Variants in CLNK observed in about 807,000 individuals in gnomAD.
CLNK encodes cytokine-dependent hematopoietic cell linker.
Under a neutral mutation model 68.6 loss-of-function variants are expected in CLNK, and 74 were observed. The ratio of observed to expected loss-of-function variants is 1.08; its 90% CI spans 0.89 to 1.31. The LOEUF (loss-of-function observed/expected upper bound fraction) is 1.31. Ranked by LOEUF, CLNK falls within the 50% of genes most tolerant of loss-of-function variation. The pLI is 0.00. For missense variants in CLNK, 553 were observed against 515.3 expected, an observed-to-expected ratio of 1.07 and a Z score of -0.71; for synonymous variants, 198 against 172.2, an observed-to-expected ratio of 1.15 and a Z score of -1.17.
intron 14 of CLNK, 66 bp from the exon 15 acceptor site, chr4:10,520,897 A>C: frequency 8.5e-7 from 1 of 1,179,852 alleles, no homozygotes; most frequent in Non-Finnish European, 1.2e-6. Context: ...AATTCCACTC[A>C]GAGGCAAGGT....
At chr4:10,653,618 C>T (rs971410703) in intron 2 of CLNK, among the ~76,000 whole-genome samples, 4 of 151,988 alleles carry the variant, frequency 2.6e-5, no homozygotes, top group Non-Finnish European at 4.4e-5. Flanking sequence ...ATTTAATTAA[C>T]AAAGCACCTA....
the CLNK span, among the ~76,000 whole-genome samples, chr4:10,701,357 C>T: frequency 6.6e-6 from 1 of 152,134 alleles, no homozygotes; most frequent in African/African-American, 2.4e-5. Context: ...GTGTCCTGAC[C>T]CCCCTTTATC....
rs148369691 is a variant in CLNK, at chr4:10,578,199, C to T, written c.113-6421G>A. Among the ~76,000 whole-genome samples, 12 of 152,298 alleles carry T rather than the reference C, an allele frequency of 7.9e-5. No individual in the cohort carries two copies. In the East Asian group the frequency reaches 1.3e-3, roughly 17 times the overall value. ...ATGCTGTGTTGTGTGTTTTTCTTTT[C>T]GAGTTTAACGTCACAGCCAAATCCT... On this transcript the variant is annotated intron_variant, in intron 4 of 18. Transcript: ENST00000226951.
intron 2 of CLNK, among the ~76,000 whole-genome samples, chr4:10,640,995 C>T (rs1007688088): frequency 4.6e-5 from 7 of 152,144 alleles, no homozygotes; most frequent in African/African-American, 1.2e-4. Context: ...AACCCTCAAC[C>T]GCTGAGCATG....
At chr4:10,647,617 G>A (rs904044009) in intron 2 of CLNK, among the ~76,000 whole-genome samples, 13 of 152,266 alleles carry the variant, frequency 8.5e-5, no homozygotes, top group African/African-American at 2.9e-4. Context: ...ATACAGATAT[G>A]AGATTCTTAT....
At chr4:10,706,609 G>A in the CLNK span, among the ~76,000 whole-genome samples, 1 of 152,082 alleles carries the variant, frequency 6.6e-6, no homozygotes, top group Non-Finnish European at 1.5e-5. Context: ...ATCTCCTATG[G>A]GTGTCCTGAG....
chr4:10,544,921 C>A (rs149972897), intron 8 of CLNK, among the ~76,000 whole-genome samples: 30 of 152,156 alleles, frequency 2.0e-4, no homozygotes, highest in African/African-American at 6.0e-4. Flanking sequence ...ATAAAGCCAC[C>A]GGTTTTCCTT....
chr4:10,626,816 T>G (rs1722692518), intron 2 of CLNK, among the ~76,000 whole-genome samples: 2 of 152,244 alleles, frequency 1.3e-5, no homozygotes, highest in African/African-American at 2.4e-5. Context: ...ATGTCTGACA[T>G]GGAGTGTCAT....
chr4:10,624,258 C>CAAGA (rs1314784564), intron 2 of CLNK, among the ~76,000 whole-genome samples: 1 of 152,172 alleles, frequency 6.6e-6, no homozygotes, highest in African/African-American at 2.4e-5. Flanking sequence ...GCAAGATAAC[C>CAAGA]TCCAGCCATG....
chr4:10,623,103 A>G (rs906551630), intron 2 of CLNK, among the ~76,000 whole-genome samples: 1 of 152,224 alleles, frequency 6.6e-6, no homozygotes, highest in Non-Finnish European at 1.5e-5. Context: ...ATTATACCTT[A>G]ATAAAGATTT....
chr4:10,540,571 G>A lies in CLNK; in HGVS notation c.525C>T (p.Pro175=). Residue 175 remains proline, a synonymous_variant, in exon 11 of 19, where the codon CCC becomes CCT. Coordinates refer to ENST00000226951, the MANE Select transcript of CLNK (RefSeq NM_052964.4). Reference sequence around the variant, plus strand: ...TGCTGCTCTCCGGCTCAGGGGGCAAGGGTTGGTACTTCTTCGGAAGTGTTA... The same window carrying A: ...TGCTGCTCTCCGGCTCAGGGGGCAAAGGTTGGTACTTCTTCGGAAGTGTTA... ...PLITLPKKYQ[P]LPPEPESSRP... The A allele has an allele frequency of 6.2e-7, 1 of 1,613,918 alleles. No homozygotes were observed. Among genetic ancestry groups the A allele is most frequent in the South Asian group, 1.1e-5 (1 of 91,084 alleles).
intron 2 of CLNK, among the ~76,000 whole-genome samples, chr4:10,617,777 T>A (rs1252319112): frequency 6.6e-6 from 1 of 152,206 alleles, no homozygotes; most frequent in Non-Finnish European, 1.5e-5. Context: ...GCAGGCTCAT[T>A]TTGTGGTTCC....
chr4:10,637,437 A>AGTTTTTT (rs1553861354), intron 2 of CLNK, among the ~76,000 whole-genome samples: 1 of 84,208 alleles, frequency 1.2e-5, no homozygotes, highest in Admixed American at 1.3e-4. Context: ...CAATAAAAAA[A>AGTTTTTT]GTTTTTTTTT....
chr4:10,679,260 T>C (rs1327254982), intron 1 of CLNK, among the ~76,000 whole-genome samples: 2 of 152,156 alleles, frequency 1.3e-5, no homozygotes, highest in Non-Finnish European at 2.9e-5. Context: ...AAACAAGAAA[T>C]GGGGAAAGGA....
intron 6 of CLNK, among the ~76,000 whole-genome samples, chr4:10,565,272 A>G (rs1018368863): frequency 1.3e-5 from 2 of 152,228 alleles, no homozygotes; most frequent in African/African-American, 2.4e-5. Flanking sequence ...TAGATGCTCA[A>G]TGAATGCTTA....
the CLNK span, among the ~76,000 whole-genome samples, chr4:10,731,186 G>A: frequency 6.6e-6 from 1 of 152,106 alleles, no homozygotes; most frequent in African/African-American, 2.4e-5. Context: ...CTATGTAACT[G>A]TTTTTTTGTA....
intron 2 of CLNK, among the ~76,000 whole-genome samples, chr4:10,634,963 C>A (rs887473397): frequency 2.6e-5 from 4 of 152,156 alleles, no homozygotes; most frequent in African/African-American, 7.2e-5. Context: ...GGCATCCTGG[C>A]CCTCCTGATT....
chr4:10,577,689 C>A (rs78920335), intron 4 of CLNK, among the ~76,000 whole-genome samples: 2 of 151,540 alleles, frequency 1.3e-5, no homozygotes, highest in Admixed American at 6.6e-5. Context: ...AGGGAGGGAG[C>A]AAGAAGGCGG....
the CLNK span, among the ~76,000 whole-genome samples, chr4:10,704,314 CAT>C: frequency 6.6e-6 from 1 of 152,082 alleles, no homozygotes; most frequent in South Asian, 2.1e-4. Flanking sequence ...CAAAATGACT[CAT>C]GTAAAAGTGT....
Sources: allele counts gnomAD v4.1 joint callset (sites outside exome capture counted in the v4.1 genomes callset), GRCh38; gene constraint gnomAD v4.1.1; transcripts MANE v1.5; gene names NCBI Gene and HGNC (gene_info 2026-07-23, HGNC 2026-07-21).